LNX2: variants seen among roughly 807,000 people sequenced by gnomAD.
LNX2 encodes ligand of numb-protein X 2.
In LNX2, 35 loss-of-function variants were observed where a neutral mutation model predicts 66.2. That is an observed-to-expected ratio of 0.53 (90% CI 0.40 to 0.70). LNX2 has a LOEUF of 0.70. LNX2 is among the 30% of genes least tolerant of loss of function. The pLI, the probability that LNX2 is intolerant of heterozygous loss-of-function variation, is 0.00. For synonymous variants in LNX2, 337 were observed against 315.6 expected (o/e 1.07, Z -0.72); for missense variants, 791 against 850.8 (o/e 0.93, Z 0.87).
intron 1 of LNX2, among the ~76,000 whole-genome samples, chr13:27,593,602 T>C (rs1467960506): frequency 6.8e-6 from 1 of 146,858 alleles, no homozygotes; most frequent in Non-Finnish European, 1.5e-5. Flanking sequence ...AGTTTCACTC[T>C]TGTTGCTCAG....
intron 4 of LNX2, among the ~76,000 whole-genome samples, chr13:27,565,635 C>G (rs1955195691): frequency 6.6e-6 from 1 of 152,126 alleles, no homozygotes; most frequent in African/African-American, 2.4e-5. Flanking sequence ...ATGACAGGAT[C>G]AGAAATCTGA....
At chr13:27,552,432 T>C (rs1955017374) in intron 8 of LNX2, among the ~76,000 whole-genome samples, 1 of 152,258 alleles carries the variant, frequency 6.6e-6, no homozygotes, top group Non-Finnish European at 1.5e-5. Context: ...TAGCAAATTC[T>C]TATTGTTTTA....
chr13:27,602,949 G>C (rs1029461828), intron 1 of LNX2, among the ~76,000 whole-genome samples: 5 of 152,038 alleles, frequency 3.3e-5, no homozygotes, highest in African/African-American at 7.2e-5. Flanking sequence ...AGGTACATAA[G>C]ATATAGTGCA....
intron 5 of LNX2, 54 bp downstream of exon 5, chr13:27,562,359 C>A (rs1011477219): frequency 6.5e-7 from 1 of 1,542,702 alleles, no homozygotes; most frequent in Admixed American, 2.1e-5. Context: ...AAAACAAATA[C>A]TACTATATGA....
intron 2 of LNX2, 119 bp from the exon 3 acceptor site, chr13:27,569,395 G>T: frequency 1.9e-6 from 2 of 1,026,154 alleles, no homozygotes; most frequent in Non-Finnish European, 2.9e-6. Context: ...GTACCTATAG[G>T]CAGCACATAG....
At chr13:27,586,002 T>A (rs1005831104) in intron 1 of LNX2, among the ~76,000 whole-genome samples, 18 of 130,994 alleles carry the variant, frequency 1.4e-4, no homozygotes, top group South Asian at 4.7e-4. Flanking sequence ...ATATATACAC[T>A]TATATATATA....
chr13:27,589,952 C>A (rs1955530035), intron 1 of LNX2, among the ~76,000 whole-genome samples: 2 of 152,110 alleles, frequency 1.3e-5, no homozygotes, highest in South Asian at 4.2e-4. Context: ...TGAGTTGGGG[C>A]AATTTTTATT....
At chr13:27,551,713 T>A (rs981289053) in intron 8 of LNX2, among the ~76,000 whole-genome samples, 4 of 152,200 alleles carry the variant, frequency 2.6e-5, no homozygotes, top group Non-Finnish European at 4.4e-5. Flanking sequence ...GAACTTCTCA[T>A]CTTATCTAGT....
At chr13:27,604,854 A>AT (rs1955696966) in intron 1 of LNX2, among the ~76,000 whole-genome samples, 1 of 131,124 alleles carries the variant, frequency 7.6e-6, no homozygotes, top group Non-Finnish European at 1.7e-5. Flanking sequence ...ATTTCTATTT[A>AT]ATTTTTTTTT....
In LNX2 at chr13:27,553,287, C is replaced by G. The variant is rs1566114567; in HGVS notation, c.1699G>C (p.Glu567Gln). 6.2e-7 allele frequency: 1 copy of G among 1,614,168 alleles called. No individual in the cohort carries two copies. Among genetic ancestry groups the G allele is most frequent in the Non-Finnish European group, 8.5e-7 (1 of 1,180,026 alleles). Residue 567 changes from glutamate (E) to glutamine (Q), a missense_variant, in exon 8 of 10, where the codon GAG (glutamate) becomes CAG (glutamine). By Grantham distance (29) the Glu-to-Gln change is conservative. Coordinates refer to ENST00000316334, the MANE Select transcript of LNX2 (RefSeq NM_153371.4). ...TTTTCGCTGAAAGTACTCGGCTGCT[C>G]CTCCGCGTTCTGAGTCGCCTCCTCA... is the stretch of plus-strand genomic sequence containing the variant. ...IVEEATQNAE[E>Q]QPSTFSENEY...
chr13:27,613,784 A>G (rs1468603391), intron 1 of LNX2, among the ~76,000 whole-genome samples: 1 of 152,192 alleles, frequency 6.6e-6, no homozygotes, highest in Admixed American at 6.5e-5. Context: ...ATAAAAATAA[A>G]AAAATAAAAA....
intron 1 of LNX2, among the ~76,000 whole-genome samples, chr13:27,590,903 T>A (rs562917793): frequency 6.6e-6 from 1 of 152,298 alleles, no homozygotes; most frequent in Non-Finnish European, 1.5e-5. Context: ...ACACCAATAA[T>A]TTAAAAAGCA....
At chr13:27,620,798 C>A (rs534322007), upstream of LNX2, 1 of 153,782 alleles carries the variant, frequency 6.5e-6, no homozygotes, top group Non-Finnish European at 1.5e-5. Context: ...CCGCCGCCCG[C>A]CTGATTCCCC....
At chr13:27,583,230 GT>G (rs1955433261) in intron 1 of LNX2, among the ~76,000 whole-genome samples, 3 of 24,092 alleles carry the variant, frequency 1.2e-4, no homozygotes, top group African/African-American at 2.5e-4. Context: ...GTGTGTGTGT[GT>G]GTGTGTGTGT....
chr13:27,582,929 T>C (rs1436406227), intron 1 of LNX2, among the ~76,000 whole-genome samples: 1 of 152,034 alleles, frequency 6.6e-6, no homozygotes, highest in African/African-American at 2.4e-5. Flanking sequence ...ATGGGAAAAA[T>C]GAATTTCAGC....
chr13:27,590,652 C>T (rs909114963), intron 1 of LNX2, among the ~76,000 whole-genome samples: 3 of 152,074 alleles, frequency 2.0e-5, no homozygotes, highest in Non-Finnish European at 4.4e-5. Context: ...CAATCTTATA[C>T]TTTTTCATAA....
At chr13:27,564,586 A>G (rs1955182348) in intron 4 of LNX2, among the ~76,000 whole-genome samples, 1 of 152,304 alleles carries the variant, frequency 6.6e-6, no homozygotes, top group East Asian at 1.9e-4. Flanking sequence ...AAAAGCTCTA[A>G]CAGCATATGG....
At chr13:27,573,425 C>T (rs1401004645) in intron 2 of LNX2, among the ~76,000 whole-genome samples, 1 of 142,462 alleles carries the variant, frequency 7.0e-6, no homozygotes, top group Admixed American at 7.1e-5. Context: ...TCACTGGGGG[C>T]ATTTGTTAAG....
chr13:27,583,169 A>AGTGTGTGTGTGT (rs763165039), intron 1 of LNX2, among the ~76,000 whole-genome samples: 2 of 44,128 alleles, frequency 4.5e-5, no homozygotes, highest in African/African-American at 1.2e-4. Flanking sequence ...TCAGAGCAGC[A>AGTGTGTGTGTGT]GTGTGTGTGT....
Sources: allele counts gnomAD v4.1 joint callset (sites outside exome capture counted in the v4.1 genomes callset), GRCh38; gene constraint gnomAD v4.1.1; transcripts MANE v1.5; gene names NCBI Gene and HGNC (gene_info 2026-07-23, HGNC 2026-07-21).